Variants in ASAP1 observed in about 807,000 individuals in gnomAD.
ASAP1 encodes ArfGAP with SH3 domain, ankyrin repeat and PH domain 1.
In ASAP1, 43 loss-of-function variants were observed where a neutral mutation model predicts 145.2. The observed-to-expected ratio is 0.30, with a 90% CI of 0.23 to 0.38. The LOEUF (loss-of-function observed/expected upper bound fraction) is 0.38, where lower values mean the gene tolerates loss of function less well. ASAP1 is among the 10% of genes least tolerant of loss of function. The probability of loss-of-function intolerance (pLI) is 1.00; values close to 1 mark genes in which losing one functional copy is unlikely to be tolerated. For missense variants in ASAP1, 1,018 were observed against 1,355.3 expected, an observed-to-expected ratio of 0.75 and a Z score of 3.91; for synonymous variants, 546 against 515.5, an observed-to-expected ratio of 1.06 and a Z score of -0.80.
At chr8:130,155,380 C>T (rs1399898725) in intron 12 of ASAP1, among the ~76,000 whole-genome samples, 2 of 152,092 alleles carry the variant, frequency 1.3e-5, no homozygotes, top group African/African-American at 4.8e-5. Flanking sequence ...CTTTTGTGTG[C>T]GAGAGAGACA....
chr8:130,192,400 GA>G (rs1206866496), intron 5 of ASAP1, among the ~76,000 whole-genome samples: 2 of 150,984 alleles, frequency 1.3e-5, no homozygotes, highest in East Asian at 3.9e-4. Flanking sequence ...TCATAATGAG[GA>G]AAAAAAAGGT....
chr8:130,125,558 AAAT>A (rs1331225848), intron 17 of ASAP1, among the ~76,000 whole-genome samples: 2 of 152,198 alleles, frequency 1.3e-5, no homozygotes, highest in Admixed American at 1.3e-4. Flanking sequence ...ACAAACTTAG[AAAT>A]AATAAAAAAA....
intron 15 of ASAP1, among the ~76,000 whole-genome samples, chr8:130,130,927 C>T (rs1212328933): frequency 3.3e-5 from 5 of 151,970 alleles, no homozygotes; most frequent in East Asian, 1.9e-4. Flanking sequence ...GAGGCCAAGG[C>T]GGGCAAATCA....
intron 4 of ASAP1, among the ~76,000 whole-genome samples, chr8:130,234,144 A>G (rs947671255): frequency 6.6e-6 from 1 of 152,170 alleles, no homozygotes; most frequent in African/African-American, 2.4e-5. Context: ...ACAATGGGAT[A>G]CATGTTCTCC....
chr8:130,262,156 G>A (rs1819939319), intron 3 of ASAP1, among the ~76,000 whole-genome samples: 1 of 151,846 alleles, frequency 6.6e-6, no homozygotes, highest in South Asian at 2.1e-4. Context: ...CAGCACTTTA[G>A]GAGGCCAAAG....
At chr8:130,232,736 T>A (rs1475606558) in intron 4 of ASAP1, among the ~76,000 whole-genome samples, 1 of 152,220 alleles carries the variant, frequency 6.6e-6, no homozygotes, top group African/African-American at 2.4e-5. Context: ...TGTTTAGCCA[T>A]TTTTCAAATC....
intron 3 of ASAP1, among the ~76,000 whole-genome samples, chr8:130,283,256 C>A (rs764341388): frequency 6.6e-6 from 1 of 151,808 alleles, no homozygotes; most frequent in African/African-American, 2.4e-5. Flanking sequence ...AGGCAGGATG[C>A]CAGGAAACAA....
intron 8 of ASAP1, 132 bp downstream of exon 8, chr8:130,180,619 A>G: frequency 8.7e-7 from 1 of 1,147,300 alleles, no homozygotes; most frequent in South Asian, 1.6e-5. Flanking sequence ...AATGGAGATT[A>G]GAATCCTTAA....
intron 26 of ASAP1, among the ~76,000 whole-genome samples, chr8:130,078,627 C>T (rs79137548): frequency 0.015 from 2,286 of 152,170 alleles, 30 homozygotes; most frequent in African/African-American, 0.039. Context: ...CAGATATTCT[C>T]CTCACTCTGG....
At chr8:130,267,989 C>G (rs1820360303) in intron 3 of ASAP1, among the ~76,000 whole-genome samples, 1 of 152,170 alleles carries the variant, frequency 6.6e-6, no homozygotes, top group South Asian at 2.1e-4. Flanking sequence ...GTGCTCCATT[C>G]CCTCTGTCCA....
intron 27 of ASAP1, among the ~76,000 whole-genome samples, chr8:130,071,011 GGAGA>G (rs1230151527): frequency 1.5e-3 from 17 of 11,438 alleles, no homozygotes; most frequent in East Asian, 3.9e-3. Context: ...GGGGAGGGGG[GGAGA>G]GAGAGAGAGA....
intron 27 of ASAP1, among the ~76,000 whole-genome samples, chr8:130,066,015 C>T (rs924495292): frequency 1.1e-4 from 16 of 152,126 alleles, no homozygotes; most frequent in African/African-American, 3.1e-4. Flanking sequence ...TACATCTGAT[C>T]GTATCAGTAT....
rs546206541 is a variant in ASAP1 at position 130,429,804 on chromosome 8, G to GA, written c.-28+13655dup. ...CGTTCTGTCCATTAAGATTCTTTGG[G>GA]AAAAATGAGTTTTGAAGAATAACGC... On this transcript the variant is annotated intron_variant, in intron 1 of 29. Coordinates refer to ENST00000518721, the MANE Select transcript of ASAP1 (RefSeq NM_018482.4). 1.2e-4 allele frequency among the ~76,000 whole-genome samples: 18 copies of GA among 152,278 alleles called. 1 individual carries two copies. In the South Asian group the frequency reaches 3.3e-3, roughly 28 times the overall value.
chr8:130,335,270 A>G (rs1483476158), intron 3 of ASAP1, among the ~76,000 whole-genome samples: 1 of 152,114 alleles, frequency 6.6e-6, no homozygotes, highest in African/African-American at 2.4e-5. Context: ...CATGCAACAG[A>G]CCCTCAGCCA....
chr8:130,437,534 A>G (rs1298833870), intron 1 of ASAP1, among the ~76,000 whole-genome samples: 2 of 152,126 alleles, frequency 1.3e-5, no homozygotes, highest in African/African-American at 4.8e-5. Context: ...TGCATCCCCC[A>G]AGGTCTCAGG....
At chr8:130,384,255 T>C (rs1266873604) in intron 2 of ASAP1, among the ~76,000 whole-genome samples, 2 of 152,162 alleles carry the variant, frequency 1.3e-5, no homozygotes, top group Non-Finnish European at 2.9e-5. Flanking sequence ...CACAAACCAC[T>C]TTCCCCTCCA....
intron 3 of ASAP1, among the ~76,000 whole-genome samples, chr8:130,356,328 T>C (rs1043580879): frequency 5.9e-5 from 9 of 152,162 alleles, no homozygotes; most frequent in African/African-American, 2.2e-4. Context: ...GAAAAACTTA[T>C]CTAGAAGGAA....
chr8:130,065,883 G>A (rs2097429692), intron 27 of ASAP1, among the ~76,000 whole-genome samples: 1 of 152,150 alleles, frequency 6.6e-6, no homozygotes, highest in Admixed American at 6.5e-5. Flanking sequence ...TTGGACCTTA[G>A]GATAAACTTG....
chr8:130,247,868 A>G (rs1586678033), intron 3 of ASAP1, among the ~76,000 whole-genome samples: 1 of 152,330 alleles, frequency 6.6e-6, no homozygotes, highest in South Asian at 2.1e-4. Context: ...ACTAGTCTTG[A>G]CAATGAGCAT....
Sources: allele counts gnomAD v4.1 joint callset (sites outside exome capture counted in the v4.1 genomes callset), GRCh38; gene constraint gnomAD v4.1.1; transcripts MANE v1.5; gene names NCBI Gene and HGNC (gene_info 2026-07-23, HGNC 2026-07-21).